The following SIPA1L2 variants were observed in gnomAD, a reference collection of about 807,000 sequenced individuals.
SIPA1L2 encodes the protein signal-induced proliferation-associated 1-like protein 2.
A neutral mutation model predicts 163.9 loss-of-function variants in SIPA1L2; 56 were observed. The ratio of observed to expected loss-of-function variants is 0.34; its 90% confidence interval spans 0.28 to 0.43. The LOEUF (loss-of-function observed/expected upper bound fraction) is 0.43, where lower values mean the gene tolerates loss of function less well. SIPA1L2 is among the 20% of genes least tolerant of loss of function. The pLI is 1.00. For missense variants in SIPA1L2, 1,974 were observed against 2,193.5 expected, an observed-to-expected ratio of 0.90 and a Z score of 2.00; for synonymous variants, 877 against 865.7, an observed-to-expected ratio of 1.01 and a Z score of -0.23.
At chr1:232,590,030 A>C (rs1303613079) in intron 1 of SIPA1L2, among the ~76,000 whole-genome samples, 4 of 152,192 alleles carry the variant, frequency 2.6e-5, no homozygotes, top group Non-Finnish European at 1.5e-5. Context: ...TCTCAAGTCA[A>C]GGGTTCCTCT....
chr1:232,526,121 T>C (rs896561356), intron 2 of SIPA1L2, among the ~76,000 whole-genome samples: 1 of 152,168 alleles, frequency 6.6e-6, no homozygotes, highest in Non-Finnish European at 1.5e-5. Context: ...CTTCCTAACC[T>C]CTCTGAGAAG....
At chr1:232,574,261 C>G (rs1198267663) in intron 1 of SIPA1L2, among the ~76,000 whole-genome samples, 39 bp from the exon 2 acceptor site, 2 of 152,198 alleles carry the variant, frequency 1.3e-5, no homozygotes, top group African/African-American at 4.8e-5. Context: ...ACTCCCAGAA[C>G]AACTCTTGGT....
intron 19 of SIPA1L2, among the ~76,000 whole-genome samples, chr1:232,413,569 T>C (rs892725558): frequency 3.9e-5 from 6 of 152,114 alleles, no homozygotes; most frequent in East Asian, 3.9e-4. Flanking sequence ...ATATAAGAGG[T>C]TGAGAGCTGT....
intron 1 of SIPA1L2, among the ~76,000 whole-genome samples, chr1:232,606,390 T>C (rs1362375964): frequency 6.6e-6 from 1 of 152,142 alleles, no homozygotes; most frequent in Admixed American, 6.5e-5. Flanking sequence ...GCAATTATAC[T>C]GCTAAAAAGA....
intron 1 of SIPA1L2, among the ~76,000 whole-genome samples, chr1:232,607,410 T>C (rs1661982155): frequency 6.6e-6 from 1 of 152,202 alleles, no homozygotes. Context: ...CTATCAAATT[T>C]TTTCCAATTT....
intron 22 of SIPA1L2, 134 bp downstream of exon 22, chr1:232,402,258 A>T: frequency 1.6e-6 from 1 of 644,236 alleles, no homozygotes; most frequent in Non-Finnish European, 2.6e-6. Context: ...CCTCAGGAGC[A>T]TCTGTTGGTA....
At chr1:232,588,106 A>G (rs1660765900) in intron 1 of SIPA1L2, among the ~76,000 whole-genome samples, 1 of 152,188 alleles carries the variant, frequency 6.6e-6, no homozygotes, top group Admixed American at 6.5e-5. Context: ...TCTTGAGCAC[A>G]CACACACTAT....
Position 232,514,398 on chromosome 1 carries a change from G to C in SIPA1L2, c.942C>G (p.Ser314Arg). The change falls in exon 3 of 23, where the codon AGC (serine) becomes AGG (arginine). Residue 314 changes from serine (S) to arginine (R), a missense_variant. By Grantham distance (110) the Ser-to-Arg change is moderately radical. Transcript: ENST00000674635. ...TFKFTSELEE[S>R]RLERGIRPWN... ...AAGGGCGAATGCCCCTCTCCAGTCGGCTCTCCTCCAGCTCAGACGTGAACT... is the reference window on the plus strand; with the variant it reads ...AAGGGCGAATGCCCCTCTCCAGTCGCCTCTCCTCCAGCTCAGACGTGAACT... 6.2e-7 allele frequency: 1 copy of C among 1,613,980 alleles called. No individual in the cohort carries two copies. The highest frequency in any genetic ancestry group is 8.5e-7 in the Non-Finnish European group (1 of 1,180,038).
chr1:232,417,518 G>A (rs1311958861), intron 18 of SIPA1L2, among the ~76,000 whole-genome samples: 3 of 152,098 alleles, frequency 2.0e-5, no homozygotes, highest in African/African-American at 4.8e-5. Context: ...AAGCAGCAAC[G>A]CAGGAGTGGG....
At chr1:232,441,919 C>A (rs764737702) in intron 12 of SIPA1L2, 51 bp from the exon 13 acceptor site, 2 of 1,493,364 alleles carry the variant, frequency 1.3e-6, no homozygotes, top group Admixed American at 1.8e-5. Context: ...TGCCACCTGC[C>A]AGCATGCACA....
intron 2 of SIPA1L2, among the ~76,000 whole-genome samples, chr1:232,526,779 C>G (rs944899016): frequency 2.6e-5 from 4 of 152,202 alleles, no homozygotes; most frequent in Non-Finnish European, 5.9e-5. Flanking sequence ...CTGTGCCCCC[C>G]TGACCGGTAT....
chr1:232,402,310 T>C (rs1660389962), intron 22 of SIPA1L2, 82 bp downstream of exon 22: 1 of 1,275,638 alleles, frequency 7.8e-7, no homozygotes, highest in African/African-American at 1.5e-5. Context: ...CTTTCCTGAG[T>C]CTTTTCAATT....
intron 2 of SIPA1L2, among the ~76,000 whole-genome samples, chr1:232,558,774 C>G (rs913809570): frequency 7.2e-5 from 11 of 152,146 alleles, no homozygotes; most frequent in African/African-American, 2.4e-4. Flanking sequence ...AATTTCTACA[C>G]CATGTGCATC....
chr1:232,509,602 A>G (rs1342332759), intron 3 of SIPA1L2, among the ~76,000 whole-genome samples: 1 of 152,216 alleles, frequency 6.6e-6, no homozygotes, highest in African/African-American at 2.4e-5. Context: ...TGCAGACAGA[A>G]GGGTCTTGCA....
intron 15 of SIPA1L2, among the ~76,000 whole-genome samples, chr1:232,435,794 T>A (rs1283993450): frequency 6.6e-6 from 1 of 152,216 alleles, no homozygotes; most frequent in East Asian, 1.9e-4. Context: ...GCAGGCTAGA[T>A]ATATGCTTGT....
At chr1:232,479,488 A>G in intron 7 of SIPA1L2, 139 bp downstream of exon 7, 1 of 673,342 alleles carries the variant, frequency 1.5e-6, no homozygotes, top group Non-Finnish European at 2.6e-6. Context: ...CCAAATGATC[A>G]AAGAGTCAAA....
At chr1:232,455,550 G>A (rs1572923596) in intron 10 of SIPA1L2, among the ~76,000 whole-genome samples, 2 of 151,862 alleles carry the variant, frequency 1.3e-5, no homozygotes, top group African/African-American at 2.4e-5. Context: ...GCGTGGTGGC[G>A]GGTGCCTGTA....
intron 1 of SIPA1L2, among the ~76,000 whole-genome samples, chr1:232,589,493 C>G (rs1437516777): frequency 3.3e-5 from 5 of 152,214 alleles, no homozygotes; most frequent in South Asian, 2.1e-4. Context: ...TTCAGTTGAG[C>G]TTCTCTTCGC....
At chr1:232,449,720 A>T (rs1426582193) in intron 10 of SIPA1L2, among the ~76,000 whole-genome samples, 1 of 152,004 alleles carries the variant, frequency 6.6e-6, no homozygotes, top group Non-Finnish European at 1.5e-5. Context: ...ATGAATAAAA[A>T]ATGGTCCACA....
Sources: gnomAD v4.1 joint callset for allele counts (sites outside exome capture counted in the v4.1 genomes callset) on GRCh38, gnomAD v4.1.1 for gene constraint, MANE v1.5 for transcripts, NCBI Gene and HGNC (gene_info 2026-07-23, HGNC 2026-07-21) for gene names.